The following EFNB3 variants were observed in gnomAD, a reference collection of about 807,000 sequenced individuals.
The protein encoded by EFNB3 is ephrin-B3.
Under a neutral mutation model 29.8 loss-of-function variants are expected in EFNB3, and 14 were observed. The observed-to-expected ratio is 0.47, with a 90% CI of 0.31 to 0.73. The LOEUF is 0.73. Ranked by LOEUF, EFNB3 falls within the 30% of genes least tolerant of loss-of-function variation. The pLI, the probability that EFNB3 is intolerant of heterozygous loss-of-function variation, is 0.05. For missense variants in EFNB3, 408 were observed against 458.0 expected, an observed-to-expected ratio of 0.89 and a Z score of 1.00; for synonymous variants, 216 against 191.6, an observed-to-expected ratio of 1.13 and a Z score of -1.05.
Position 7,705,589 on chromosome 17 carries a change from T to C in EFNB3, c.-10T>C. The C allele has an allele frequency of 7.0e-7, 1 of 1,427,104 alleles. No homozygotes were observed. Among genetic ancestry groups the C allele is most frequent in the Non-Finnish European group, 9.2e-7 (1 of 1,084,458 alleles). 88.4% of individuals were successfully genotyped at this position (1,427,104 alleles called of 1,614,324 possible). A position where few individuals can be genotyped will look rare whatever the true frequency, so the allele number is the denominator to read the frequency against. On this transcript the variant is annotated 5_prime_UTR_variant, in exon 1 of 5. Coordinates refer to ENST00000226091, the MANE Select transcript of EFNB3 (RefSeq NM_001406.4). The surrounding 1 kb of genome is among the most constrained non-coding windows in gnomAD (Gnocchi z 5.4). ...AGTTGGTGCCCCGCCCCCCAGGCCT[T>C]GGCGGGGTCATGGGGCCCCCCCATT...
At position 7,706,281 on chromosome 17, in the gene EFNB3, C is replaced by G. The variant is rs557881939; in HGVS notation, c.122+561C>G. On this transcript the variant is annotated intron_variant, in intron 1 of 4. Transcript: ENST00000226091. The stretch of plus-strand genomic sequence containing the variant: ...GAGGGTCAGTGAACTGTTGGCTGAA[C>G]GATTTCCCAGCCAGAACATATTCCT... 3.3e-5 allele frequency among the ~76,000 whole-genome samples: 5 copies of G among 151,958 alleles called. No individual in the cohort carries two copies. The South Asian group carries it at 8.3e-4, about 25-fold the overall frequency.
chr17:7,708,539 T>C lies in EFNB3; in HGVS notation c.508+12T>C. The C allele has an allele frequency of 6.2e-7, 1 of 1,612,460 alleles. No individual in the cohort carries two copies. Among genetic ancestry groups the C allele is most frequent in the South Asian group, 1.1e-5 (1 of 90,668 alleles). On this transcript the variant is annotated intron_variant, in intron 3 of 4. Coordinates refer to ENST00000226091, the MANE Select transcript of EFNB3 (RefSeq NM_001406.4). This position sits in a 1 kb window ranked among gnomAD's most constrained non-coding sequence, Gnocchi z 6.8. ...CCGAGTGGGACAAAGTGAGTGGGGC[T>C]GGGGGACACCTCCTGGGCACGAAGG...
chr17:7,708,636 TC>T lies in EFNB3; in HGVS notation c.514del (p.Arg172GlufsTer122). 6.3e-7 allele frequency: 1 copy of T among 1,578,858 alleles called. No individual in the cohort carries two copies. Among genetic ancestry groups the T allele is most frequent in the Non-Finnish European group, 8.6e-7 (1 of 1,161,532 alleles). On this transcript the variant is annotated frameshift_variant and splice_region_variant, in exon 4 of 5. Transcript: ENST00000226091. LOFTEE classifies it high-confidence loss of function. This position sits in a 1 kb window ranked among gnomAD's most constrained non-coding sequence, Gnocchi z 6.8. ...MKVLLRVGQS[P>X]RGGAVPRKPV... ...TCTCTGGGTCTTCCTCATCTCCAGG[TC>T]CCCGAGGAGGGGCTGTCCCCCGAAA... is the stretch of plus-strand genomic sequence containing the variant.
rs2074325986 is a variant in EFNB3 at position 7,705,834 on chromosome 17, G to A, written c.122+114G>A. 1 of 1,279,982 alleles carries A rather than the reference G, an allele frequency of 7.8e-7. No homozygotes were observed. Among genetic ancestry groups the A allele is most frequent in the Non-Finnish European group, 1.1e-6 (1 of 949,154 alleles). 79.3% of individuals were successfully genotyped at this position (1,279,982 alleles called of 1,614,324 possible). ...GGAGGAGGCGGGAGGGAAGGTGCTG[G>A]TGCTCTGATGTGTGATGGGTTACTA... On this transcript the variant is annotated intron_variant, in intron 1 of 4. Transcript: ENST00000226091. The surrounding 1 kb of genome is among the most constrained non-coding windows in gnomAD (Gnocchi z 5.4).
rs958937913 is a variant in EFNB3, at chr17:7,708,930, C to T, written c.613+191C>T. Among the ~76,000 whole-genome samples the T allele has an allele frequency of 2.6e-5, 4 of 152,180 alleles. No individual in the cohort carries two copies. The highest frequency in any genetic ancestry group is 9.7e-5 in the African/African-American group (4 of 41,436). ...AAAGACTCAATTAGAACTAATTAGC[C>T]AAGTCAGTGCTTCAATCAGTGCTGT... On this transcript the variant is annotated intron_variant, in intron 4 of 4. Transcript: ENST00000226091. This position sits in a 1 kb window ranked among gnomAD's most constrained non-coding sequence, Gnocchi z 6.8.
Position 7,708,624 on chromosome 17 carries a change from C to A in EFNB3, c.509-11C>A. On this transcript the variant is annotated splice_polypyrimidine_tract_variant and intron_variant, in intron 3 of 4. Transcript: ENST00000226091. This position sits in a 1 kb window ranked among gnomAD's most constrained non-coding sequence, Gnocchi z 6.8. ...TGTCTCAGCCCCTCTCTGGGTCTTC[C>A]TCATCTCCAGGTCCCCGAGGAGGGG... 6.3e-7 allele frequency: 1 copy of A among 1,580,314 alleles called. No individual in the cohort carries two copies. The highest frequency in any genetic ancestry group is 1.8e-5 in the Admixed American group (1 of 54,924).
At position 7,705,527 on chromosome 17, in the gene EFNB3, C is replaced by G. The variant is rs558017801; in HGVS notation, c.-72C>G. 7 of 823,850 alleles carry G rather than the reference C, an allele frequency of 8.5e-6. No homozygotes were observed. The Admixed American group carries it at 2.4e-4, about 29-fold the overall frequency. 51.0% of individuals were successfully genotyped at this position (823,850 alleles called of 1,614,324 possible). A position where few individuals can be genotyped will look rare whatever the true frequency, so the allele number is the denominator to read the frequency against. On this transcript the variant is annotated 5_prime_UTR_variant, in exon 1 of 5. Coordinates refer to ENST00000226091, the MANE Select transcript of EFNB3 (RefSeq NM_001406.4). This position sits in a 1 kb window ranked among gnomAD's most constrained non-coding sequence, Gnocchi z 5.4. ...GGTCCGGGCTGAAGAGCCAGGCAGC[C>G]AAGGCAGCCACCCCGGGGGGTGGGC... is the stretch of plus-strand genomic sequence containing the variant.
Position 7,709,891 on chromosome 17 carries a change from C to T in EFNB3, c.*315C>T, listed in dbSNP as rs1166031482. 2 of 476,318 alleles carry T rather than the reference C, an allele frequency of 4.2e-6. No individual in the cohort carries two copies. Among genetic ancestry groups the T allele is most frequent in the African/African-American group, 4.1e-5 (2 of 49,278 alleles). The allele number at this position is 476,318 out of a possible 1,614,324, so 29.5% of individuals were successfully genotyped here. A position where few individuals can be genotyped will look rare whatever the true frequency, so the allele number is the denominator to read the frequency against. ...GGCATCCTTGTCCCCCTCACCCACC[C>T]AGAGCTAGGGGCGGGAACAGCCCAC... On this transcript the variant is annotated 3_prime_UTR_variant, in exon 5 of 5. Coordinates refer to ENST00000226091, the MANE Select transcript of EFNB3 (RefSeq NM_001406.4). The surrounding 1 kb of genome is among the most constrained non-coding windows in gnomAD (Gnocchi z 4.5).
At chr17:7,707,911 A>T (rs1385520653) in intron 1 of EFNB3, 47 bp from the exon 2 acceptor site, 3 of 1,547,812 alleles carry the variant, frequency 1.9e-6, no homozygotes, top group Non-Finnish European at 2.6e-6. Flanking sequence ...TCTGGGGGCC[A>T]GGCCTCTGAC....
At chr17:7,707,706 G>C (rs2074332137) in intron 1 of EFNB3, among the ~76,000 whole-genome samples, 1 of 152,166 alleles carries the variant, frequency 6.6e-6, no homozygotes, top group African/African-American at 2.4e-5. Context: ...GTGAGGGCGG[G>C]CTGAAGAGTG....
chr17:7,709,084 G>T lies in EFNB3; in HGVS notation c.614-83G>T. On this transcript the variant is annotated intron_variant, in intron 4 of 4. Transcript: ENST00000226091. The surrounding 1 kb of genome is among the most constrained non-coding windows in gnomAD (Gnocchi z 4.5). ...GGGCGCTACAAGGGAAGCCCATGGGGACCCCCAGGGTTGGGTGTCCAGGTG... is the reference window on the plus strand; with the variant it reads ...GGGCGCTACAAGGGAAGCCCATGGGTACCCCCAGGGTTGGGTGTCCAGGTG... The T allele has an allele frequency of 7.2e-7, 1 of 1,394,446 alleles. No individual in the cohort carries two copies. Among genetic ancestry groups the T allele is most frequent in the Non-Finnish European group, 9.8e-7 (1 of 1,015,974 alleles). 86.4% of individuals were successfully genotyped at this position (1,394,446 alleles called of 1,614,324 possible).
chr17:7,709,549 C>T lies in EFNB3; in HGVS notation c.996C>T (p.Ser332=), dbSNP rs1371731070. 3 of 1,613,924 alleles carry T rather than the reference C, an allele frequency of 1.9e-6. No homozygotes were observed. The highest frequency in any genetic ancestry group is 2.5e-6 in the Non-Finnish European group (3 of 1,179,952). Residue 332 remains serine (S), a synonymous_variant, in exon 5 of 5, where the codon AGC becomes AGT. Transcript: ENST00000226091. This position sits in a 1 kb window ranked among gnomAD's most constrained non-coding sequence, Gnocchi z 4.5. ...VYIVQDGPPQ[S]PPNIYYKV is the part of the protein sequence containing the mutation. Reference sequence around the variant, plus strand: ...TCGTGCAGGATGGGCCCCCCCAGAGCCCTCCAAACATCTACTACAAGGTAT... The same window carrying T: ...TCGTGCAGGATGGGCCCCCCCAGAGTCCTCCAAACATCTACTACAAGGTAT...
rs763496062 is a variant in EFNB3 at position 7,707,366 on chromosome 17, C to T, written c.123-592C>T. Among the ~76,000 whole-genome samples the T allele has an allele frequency of 4.3e-4, 66 of 152,272 alleles. 1 individual carries two copies. The highest frequency in any genetic ancestry group is 3.4e-3 in the Middle Eastern group (1 of 294). The stretch of plus-strand genomic sequence containing the variant: ...TGACTCAGGCAGCAGGTTCCTAGAC[C>T]CTGGTTCCCATCAGCCCCAATGATG... On this transcript the variant is annotated intron_variant, in intron 1 of 4. Coordinates refer to ENST00000226091, the MANE Select transcript of EFNB3 (RefSeq NM_001406.4).
chr17:7,705,837 C>T lies in EFNB3; in HGVS notation c.122+117C>T. The T allele has an allele frequency of 7.8e-7, 1 of 1,278,078 alleles. No homozygotes were observed. Among genetic ancestry groups the T allele is most frequent in the Non-Finnish European group, 1.1e-6 (1 of 948,586 alleles). The allele number at this position is 1,278,078 out of a possible 1,614,324, so 79.2% of individuals were successfully genotyped here. ...GGAGGCGGGAGGGAAGGTGCTGGTG[C>T]TCTGATGTGTGATGGGTTACTAGAC... On this transcript the variant is annotated intron_variant, in intron 1 of 4. Transcript: ENST00000226091. This position sits in a 1 kb window ranked among gnomAD's most constrained non-coding sequence, Gnocchi z 5.4.
At position 7,709,730 on chromosome 17, in the gene EFNB3, G is replaced by C; in HGVS notation, c.*154G>C. The C allele has an allele frequency of 2.6e-6, 2 of 771,764 alleles. No individual in the cohort carries two copies. The highest frequency in any genetic ancestry group is 1.5e-5 in the South Asian group (1 of 64,928). 47.8% of individuals were successfully genotyped at this position (771,764 alleles called of 1,614,324 possible). A position where few individuals can be genotyped will look rare whatever the true frequency, so the allele number is the denominator to read the frequency against. ...GCTGCTGTCCTCGTCTCCACTTTTA[G>C]GATTCCTTAGGATTCCCACTGCCCC... is the stretch of plus-strand genomic sequence containing the variant. On this transcript the variant is annotated 3_prime_UTR_variant, in exon 5 of 5. Transcript: ENST00000226091. This position sits in a 1 kb window ranked among gnomAD's most constrained non-coding sequence, Gnocchi z 4.5.
Position 7,708,812 on chromosome 17 carries a change from C to A in EFNB3, c.613+73C>A. The A allele has an allele frequency of 7.5e-7, 1 of 1,325,536 alleles. No homozygotes were observed. Among genetic ancestry groups the A allele is most frequent in the Non-Finnish European group, 1.0e-6 (1 of 980,562 alleles). 82.1% of individuals were successfully genotyped at this position (1,325,536 alleles called of 1,614,324 possible). A position where few individuals can be genotyped will look rare whatever the true frequency, so the allele number is the denominator to read the frequency against. On this transcript the variant is annotated intron_variant, in intron 4 of 4. Coordinates refer to ENST00000226091, the MANE Select transcript of EFNB3 (RefSeq NM_001406.4). The surrounding 1 kb of genome is among the most constrained non-coding windows in gnomAD (Gnocchi z 6.8). ...TCAGACCCCAGCTGCCCTGCCGTCA[C>A]CCTCCCTCCCTCTTCAGTTTTGGGG...
chr17:7,709,623 C>G lies in EFNB3; in HGVS notation c.*47C>G. 1.2e-6 allele frequency: 2 copies of G among 1,610,990 alleles called. No individual in the cohort carries two copies. Among genetic ancestry groups the G allele is most frequent in the Non-Finnish European group, 1.7e-6 (2 of 1,178,590 alleles). On this transcript the variant is annotated 3_prime_UTR_variant, in exon 5 of 5. Transcript: ENST00000226091. The surrounding 1 kb of genome is among the most constrained non-coding windows in gnomAD (Gnocchi z 4.5). ...CCTGAATCCAGCCCTTCTTGGGGTG[C>G]TCCTCCAGTTTAATTCCTGGTTTGA...
At chr17:7,707,510 C>T (rs918336636) in intron 1 of EFNB3, among the ~76,000 whole-genome samples, 3 of 152,174 alleles carry the variant, frequency 2.0e-5, no homozygotes, top group African/African-American at 7.2e-5. Context: ...CCCGGAAATC[C>T]CTGAAATTCA....
At position 7,708,404 on chromosome 17, in the gene EFNB3, C is replaced by T. The variant is rs918675518; in HGVS notation, c.416-31C>T. Reference sequence around the variant, plus strand: ...AGAATCAGGGCTAGATTCTGGAGTGCCAACCTCTTCCTCTGGCTTTTCTCT... The same window carrying T: ...AGAATCAGGGCTAGATTCTGGAGTGTCAACCTCTTCCTCTGGCTTTTCTCT... On this transcript the variant is annotated intron_variant, in intron 2 of 4. Coordinates refer to ENST00000226091, the MANE Select transcript of EFNB3 (RefSeq NM_001406.4). The surrounding 1 kb of genome is among the most constrained non-coding windows in gnomAD (Gnocchi z 6.8). 1 of 1,602,838 alleles carries T rather than the reference C, an allele frequency of 6.2e-7. No individual in the cohort carries two copies. The highest frequency in any genetic ancestry group is 1.7e-5 in the Admixed American group (1 of 58,398).
Sources: gnomAD v4.1 joint callset for allele counts (sites outside exome capture counted in the v4.1 genomes callset) on GRCh38, gnomAD v4.1.1 for gene constraint, Gnocchi (gnomAD v3.1) non-coding constraint, MANE v1.5 for transcripts, NCBI Gene and HGNC (gene_info 2026-07-23, HGNC 2026-07-21) for gene names.